Variants in FOXN3 observed in about 807,000 individuals in gnomAD.
FOXN3 encodes forkhead box protein N3.
Under a neutral mutation model 38.4 loss-of-function variants are expected in FOXN3, and 7 were observed. The ratio of observed to expected loss-of-function variants is 0.18; its 90% CI spans 0.10 to 0.34. The LOEUF is 0.34. Among genes scored for constraint, FOXN3 ranks in the 10% least tolerant of loss-of-function variants. The probability of loss-of-function intolerance (pLI) is 1.00; values close to 1 mark genes in which losing one functional copy is unlikely to be tolerated. For synonymous variants in FOXN3, 230 were observed against 242.2 expected (o/e 0.95, Z 0.47); for missense variants, 456 against 613.4 (o/e 0.74, Z 2.71).
chr14:89,465,136 G>A (rs1257806321), intron 1 of FOXN3, among the ~76,000 whole-genome samples: 1 of 152,182 alleles, frequency 6.6e-6, no homozygotes, highest in Admixed American at 6.5e-5. Context: ...ATGATTGTAA[G>A]TTTCCTGAGG....
At chr14:89,377,959 C>T (rs1566972250) in intron 2 of FOXN3, among the ~76,000 whole-genome samples, 2 of 152,198 alleles carry the variant, frequency 1.3e-5, no homozygotes, top group South Asian at 2.1e-4. Context: ...GTGGGGAAGG[C>T]GGCCGTCTGC....
intron 1 of FOXN3, among the ~76,000 whole-genome samples, chr14:89,588,345 A>G (rs243180): frequency 0.21 from 32,208 of 152,060 alleles, 4,045 homozygotes; most frequent in East Asian, 0.42. Context: ...ACCCGGTCTC[A>G]GGTATTTATA....
intron 1 of FOXN3, among the ~76,000 whole-genome samples, chr14:89,533,587 G>A (rs189355223): frequency 0.012 from 1,792 of 144,698 alleles, 22 homozygotes; most frequent in South Asian, 0.025. Flanking sequence ...GCGTGAACCC[G>A]GGAGGCGGAG....
rs571924037 is a variant in FOXN3, at chr14:89,320,088, C to T, written c.680+30584G>A. 3.3e-4 allele frequency among the ~76,000 whole-genome samples: 50 copies of T among 152,176 alleles called. 1 individual carries two copies. Among genetic ancestry groups the T allele is most frequent in the African/African-American group, 1.0e-3 (42 of 41,518 alleles). On this transcript the variant is annotated intron_variant, in intron 3 of 5. Transcript: ENST00000557258. Reference sequence around the variant, plus strand: ...CCCAACTTCAAATAAAAAACATTTGCGGGCAGCCGGGAAGGGGAAGATAGA... The same window carrying T: ...CCCAACTTCAAATAAAAAACATTTGTGGGCAGCCGGGAAGGGGAAGATAGA...
chr14:89,179,854 T>C lies in FOXN3; in HGVS notation c.851+847A>G, dbSNP rs79357756. On this transcript the variant is annotated intron_variant, in intron 5 of 5. Coordinates refer to ENST00000557258, the MANE Select transcript of FOXN3 (RefSeq NM_005197.4). Reference sequence around the variant, plus strand: ...TGAGGGGAATCTATGCAGACAAAACTGTATGAATAAGATGGGCCAATACTG... The same window carrying C: ...TGAGGGGAATCTATGCAGACAAAACCGTATGAATAAGATGGGCCAATACTG... Among the ~76,000 whole-genome samples the C allele has an allele frequency of 2.9e-3, 445 of 152,266 alleles. 1 individual carries two copies. The highest frequency in any genetic ancestry group is 0.01 in the African/African-American group (426 of 41,546).
intron 4 of FOXN3, among the ~76,000 whole-genome samples, chr14:89,249,214 T>G (rs1885382324): frequency 6.6e-6 from 1 of 152,234 alleles, no homozygotes; most frequent in Non-Finnish European, 1.5e-5. Context: ...TAGAAATTCC[T>G]GCAGAGCTAC....
intron 4 of FOXN3, among the ~76,000 whole-genome samples, chr14:89,215,800 C>T (rs548427423): frequency 6.6e-6 from 1 of 152,078 alleles, no homozygotes; most frequent in South Asian, 2.1e-4. Context: ...CTGCGTCTGG[C>T]GGCGGCGGCA....
intron 1 of FOXN3, among the ~76,000 whole-genome samples, chr14:89,528,376 C>CTTGTTTTTTTTTTT (rs1894474674): frequency 1.9e-5 from 1 of 53,550 alleles, no homozygotes. Context: ...ATGGATGAAT[C>CTTGTTTTTTTTTTT]TTTTTTTTTT....
chr14:89,388,283 A>G (rs1171817547), intron 2 of FOXN3, among the ~76,000 whole-genome samples: 1 of 152,192 alleles, frequency 6.6e-6, no homozygotes, highest in Admixed American at 6.5e-5. Flanking sequence ...GCAATCACTG[A>G]GGCCATCTGA....
At chr14:89,579,939 T>C (rs534306262) in intron 1 of FOXN3, among the ~76,000 whole-genome samples, 1 of 152,326 alleles carries the variant, frequency 6.6e-6, no homozygotes, top group South Asian at 2.1e-4. Context: ...CATAAAGGAA[T>C]AAATATGTAT....
chr14:89,496,546 C>G (rs1329315457), intron 1 of FOXN3, among the ~76,000 whole-genome samples: 1 of 152,078 alleles, frequency 6.6e-6, no homozygotes, highest in Non-Finnish European at 1.5e-5. Context: ...GGATTGGGAG[C>G]AGCAGTAATT....
intron 1 of FOXN3, among the ~76,000 whole-genome samples, chr14:89,446,461 T>C (rs1892503301): frequency 6.6e-6 from 1 of 151,920 alleles, no homozygotes; most frequent in Admixed American, 6.5e-5. Context: ...AATGCTGAGA[T>C]TACAGGCATG....
chr14:89,309,943 G>A (rs1454388479), intron 3 of FOXN3, among the ~76,000 whole-genome samples: 1 of 152,226 alleles, frequency 6.6e-6, no homozygotes, highest in Non-Finnish European at 1.5e-5. Context: ...AAACAGGTCT[G>A]TATCTAAGCC....
chr14:89,198,269 T>C (rs1287211524), intron 4 of FOXN3, among the ~76,000 whole-genome samples: 1 of 152,210 alleles, frequency 6.6e-6, no homozygotes, highest in Non-Finnish European at 1.5e-5. Flanking sequence ...GTATGACGTA[T>C]TATAAGTAAC....
chr14:89,560,172 C>T (rs1895218302), intron 1 of FOXN3, among the ~76,000 whole-genome samples: 1 of 152,058 alleles, frequency 6.6e-6, no homozygotes, highest in African/African-American at 2.4e-5. Context: ...CTTTAAATAA[C>T]CAGATCTTGT....
intron 3 of FOXN3, among the ~76,000 whole-genome samples, chr14:89,292,839 C>A (rs914347406): frequency 1.3e-5 from 2 of 152,202 alleles, no homozygotes; most frequent in Admixed American, 1.3e-4. Context: ...TCTCTCCCCT[C>A]TCCACCGCAC....
intron 5 of FOXN3, 67 bp downstream of exon 5, chr14:89,180,634 C>G (rs1243072320): frequency 6.1e-6 from 7 of 1,155,896 alleles, no homozygotes; most frequent in East Asian, 2.7e-5. Flanking sequence ...CCAGAAGGGA[C>G]CCCGTGGACA....
intron 1 of FOXN3, among the ~76,000 whole-genome samples, chr14:89,584,356 G>A (rs1348318196): frequency 6.6e-6 from 1 of 151,968 alleles, no homozygotes; most frequent in Non-Finnish European, 1.5e-5. Flanking sequence ...AACCGATATC[G>A]CACCACTGTA....
chr14:89,497,047 C>T lies in FOXN3; in HGVS notation c.-14-84557G>A, dbSNP rs1035006591. ...TCAGCTTACTGCAACCTCCGCTTCC[C>T]GGGTTCAAGTGATTCTCCTGCCTCA... On this transcript the variant is annotated intron_variant, in intron 1 of 6. Transcript: ENST00000345097. Among the ~76,000 whole-genome samples the T allele has an allele frequency of 2.6e-5, 4 of 152,128 alleles. No homozygotes were observed. The East Asian group carries it at 5.8e-4, about 22-fold the overall frequency.
Sources: gnomAD v4.1 joint callset for allele counts (sites outside exome capture counted in the v4.1 genomes callset) on GRCh38, gnomAD v4.1.1 for gene constraint, MANE v1.5 for transcripts, NCBI Gene and HGNC (gene_info 2026-07-23, HGNC 2026-07-21) for gene names.